PTPRT: variants seen among roughly 807,000 people sequenced by gnomAD.
PTPRT encodes receptor-type tyrosine-protein phosphatase T.
A neutral mutation model predicts 176.8 loss-of-function variants in PTPRT; 56 were observed. The observed-to-expected ratio is 0.32, with a 90% CI of 0.26 to 0.40. The LOEUF (loss-of-function observed/expected upper bound fraction) is 0.40, where lower values mean the gene tolerates loss of function less well. Among genes scored for constraint, PTPRT ranks in the 10% least tolerant of loss-of-function variants. PTPRT has a pLI of 1.00. For synonymous variants in PTPRT, 783 were observed against 739.0 expected, an observed-to-expected ratio of 1.06 and a Z score of -0.96; for missense variants, 1,540 against 1,908.2, an observed-to-expected ratio of 0.81 and a Z score of 3.60.
chr20:42,417,475 C>T (rs2059076935), intron 9 of PTPRT, among the ~76,000 whole-genome samples: 1 of 151,894 alleles, frequency 6.6e-6, no homozygotes, highest in South Asian at 2.1e-4. Flanking sequence ...TCCTTCTCCT[C>T]TTTTAAGTTA....
intron 9 of PTPRT, among the ~76,000 whole-genome samples, chr20:42,355,001 G>C (rs924301597): frequency 5.6e-5 from 8 of 142,880 alleles, no homozygotes; most frequent in Non-Finnish European, 8.1e-5. Context: ...GGCTGCTCTG[G>C]TGGGCCTGTC....
At chr20:42,379,833 G>C (rs2058682929) in intron 9 of PTPRT, among the ~76,000 whole-genome samples, 1 of 152,250 alleles carries the variant, frequency 6.6e-6, no homozygotes, top group Non-Finnish European at 1.5e-5. Context: ...GCTTGTGTGA[G>C]ATCAGCAGGA....
At chr20:42,676,412 A>G (rs1414937711) in intron 7 of PTPRT, among the ~76,000 whole-genome samples, 1 of 152,130 alleles carries the variant, frequency 6.6e-6, no homozygotes, top group East Asian at 1.9e-4. Flanking sequence ...TGGTTCCTGT[A>G]CTGATGGGTC....
At position 42,352,281 on chromosome 20, in the gene PTPRT, T is replaced by C; in HGVS notation, c.1565A>G (p.Asn522Ser). The C allele has an allele frequency of 3.7e-6, 6 of 1,614,094 alleles. No individual in the cohort carries two copies. Among genetic ancestry groups the C allele is most frequent in the Non-Finnish European group, 4.2e-6 (5 of 1,180,008 alleles). The change falls in exon 10 of 31, where the codon AAC becomes AGC. Residue 522 changes from asparagine to serine, a missense_variant. Asn to Ser is a conservative substitution (Grantham distance 46). Around this residue, in one of 11 missense-constraint regions of PTPRT, gnomAD observed 136 missense variants for 135.0 expected, o/e 1.01. Coordinates refer to ENST00000373187, the MANE Select transcript of PTPRT (RefSeq NM_007050.6). ...TNGVITLYEI[N>S]YKAVGSLDPS... ...GTCCAGCGAGCCGACAGCCTTGTAG[T>C]TGATCTGTAGGACAAGCCAGCAAAC...
chr20:43,152,190 C>CT (rs2014376129), intron 1 of PTPRT, among the ~76,000 whole-genome samples: 1 of 151,878 alleles, frequency 6.6e-6, no homozygotes, highest in African/African-American at 2.4e-5. Flanking sequence ...AAGTGTACAA[C>CT]TACCTTGAAA....
intron 7 of PTPRT, among the ~76,000 whole-genome samples, chr20:42,506,231 T>C (rs2071841916): frequency 6.6e-6 from 1 of 152,196 alleles, no homozygotes; most frequent in African/African-American, 2.4e-5. Flanking sequence ...TATCAATAAG[T>C]ATGTGTACAT....
In PTPRT at chr20:43,165,742, G is replaced by A. The variant is rs75556628; in HGVS notation, c.88+23904C>T. On this transcript the variant is annotated intron_variant, in intron 1 of 30. Transcript: ENST00000373187. Reference sequence around the variant, plus strand: ...GCAAGTGGAGCAATTTAAAATGGGAGAGATATGGTCTGACTTACGTTTTTA... The same window carrying A: ...GCAAGTGGAGCAATTTAAAATGGGAAAGATATGGTCTGACTTACGTTTTTA... 8.2e-3 allele frequency among the ~76,000 whole-genome samples: 1,253 copies of A among 152,282 alleles called. 19 individuals are homozygous for A. Among genetic ancestry groups the A allele is most frequent in the African/African-American group, 0.028 (1,164 of 41,556 alleles).
chr20:42,477,929 C>T (rs569850773), intron 7 of PTPRT, among the ~76,000 whole-genome samples: 6 of 152,296 alleles, frequency 3.9e-5, no homozygotes, highest in South Asian at 2.1e-4. Flanking sequence ...TCCCTCTTCT[C>T]GGAGCAAGGG....
intron 9 of PTPRT, among the ~76,000 whole-genome samples, chr20:42,440,692 T>C (rs537061283): frequency 1.3e-3 from 198 of 152,116 alleles, no homozygotes; most frequent in Non-Finnish European, 2.1e-3. Flanking sequence ...TTAGCCAGGA[T>C]GGTCTCGATC....
intron 9 of PTPRT, among the ~76,000 whole-genome samples, chr20:42,402,756 T>C (rs2058921547): frequency 6.6e-6 from 1 of 151,820 alleles, no homozygotes; most frequent in African/African-American, 2.4e-5. Context: ...TGAAAACATC[T>C]GCTGCTACTC....
intron 13 of PTPRT, among the ~76,000 whole-genome samples, chr20:42,266,800 G>A (rs988221888): frequency 6.6e-6 from 1 of 152,142 alleles, no homozygotes; most frequent in African/African-American, 2.4e-5. Flanking sequence ...GATGACCCTA[G>A]ATGTGTTACC....
intron 1 of PTPRT, among the ~76,000 whole-genome samples, chr20:43,136,125 T>A (rs2013824060): frequency 6.6e-6 from 1 of 152,230 alleles, no homozygotes; most frequent in Admixed American, 6.5e-5. Flanking sequence ...CCTGTTGCTA[T>A]GGCTCACCTG....
chr20:42,682,313 C>G (rs994314002), intron 6 of PTPRT, among the ~76,000 whole-genome samples: 8 of 152,194 alleles, frequency 5.3e-5, no homozygotes, highest in African/African-American at 1.9e-4. Context: ...ATGTGACTCA[C>G]TGGATGAAGA....
At chr20:42,486,160 C>T (rs2071460904) in intron 7 of PTPRT, among the ~76,000 whole-genome samples, 2 of 152,172 alleles carry the variant, frequency 1.3e-5, no homozygotes. Flanking sequence ...TGACTGACCC[C>T]TCTAATAGGG....
intron 13 of PTPRT, among the ~76,000 whole-genome samples, chr20:42,269,204 C>T (rs998497296): frequency 1.3e-5 from 2 of 152,226 alleles, no homozygotes; most frequent in Non-Finnish European, 2.9e-5. Flanking sequence ...ATAATTTGCA[C>T]AAGAATCTCC....
At chr20:42,226,240 A>G (rs760351709) in intron 15 of PTPRT, among the ~76,000 whole-genome samples, 8 of 152,224 alleles carry the variant, frequency 5.3e-5, no homozygotes, top group Non-Finnish European at 1.0e-4. Context: ...AATGCTTATG[A>G]ATGAAATAAT....
At chr20:42,319,113 A>G (rs2057762319) in intron 11 of PTPRT, among the ~76,000 whole-genome samples, 1 of 152,176 alleles carries the variant, frequency 6.6e-6, no homozygotes, top group East Asian at 1.9e-4. Context: ...CACCAATCTG[A>G]TTACTGAAGA....
intron 11 of PTPRT, among the ~76,000 whole-genome samples, chr20:42,346,736 C>T (rs535141316): frequency 3.9e-5 from 6 of 152,304 alleles, no homozygotes; most frequent in Admixed American, 6.5e-5. Context: ...TAGAGTTTGG[C>T]TCAGCCAGGG....
chr20:42,683,021 A>G (rs1468787868), intron 6 of PTPRT, among the ~76,000 whole-genome samples: 2 of 152,198 alleles, frequency 1.3e-5, no homozygotes, highest in African/African-American at 4.8e-5. Flanking sequence ...GAGCCTTGAT[A>G]TGATTAAGGT....
Sources: allele counts gnomAD v4.1 joint callset (sites outside exome capture counted in the v4.1 genomes callset), GRCh38; gene constraint gnomAD v4.1.1; regional missense constraint gnomAD v4.1.1; transcripts MANE v1.5; gene names NCBI Gene and HGNC (gene_info 2026-07-23, HGNC 2026-07-21).